The following DOCK9 variants were observed in gnomAD, a reference collection of about 807,000 sequenced individuals.
DOCK9 encodes the protein dedicator of cytokinesis protein 9.
DOCK9 carries 89 observed loss-of-function variants against 263.3 expected under a neutral mutation model. The ratio of observed to expected loss-of-function variants is 0.34; its 90% CI spans 0.28 to 0.40. DOCK9 has a LOEUF of 0.40. Among genes scored for constraint, DOCK9 ranks in the 10% least tolerant of loss-of-function variants. The pLI is 1.00. For missense variants in DOCK9, 2,140 were observed against 2,603.4 expected (o/e 0.82, Z 3.87); for synonymous variants, 976 against 973.1 (o/e 1.00, Z -0.06).
intron 1 of DOCK9, among the ~76,000 whole-genome samples, chr13:99,074,809 TCTCTACTTACGTTAAATTTTGCCTC>T (rs1209808277): frequency 6.6e-6 from 1 of 152,160 alleles, no homozygotes; most frequent in Non-Finnish European, 1.5e-5. Context: ...CCAAATAAAC[TCTCTACTTACGTTAAATTTTGCCTC>T]CTCTTCTTCT....
intron 1 of DOCK9, among the ~76,000 whole-genome samples, chr13:98,997,185 G>C (rs776446556): frequency 6.6e-6 from 1 of 152,244 alleles, no homozygotes; most frequent in Admixed American, 6.5e-5. Context: ...CAGGGCACCT[G>C]TGTCTGCTGC....
At chr13:98,991,890 T>C (rs1484349244) in intron 1 of DOCK9, among the ~76,000 whole-genome samples, 1 of 151,930 alleles carries the variant, frequency 6.6e-6, no homozygotes, top group Non-Finnish European at 1.5e-5. Context: ...TCAAGGAACA[T>C]GCTGCTTGAT....
chr13:98,888,488 T>G lies in DOCK9; in HGVS notation c.1849A>C (p.Ile617Leu), dbSNP rs779408044. ...KQFETCSKTPITFEVEEFVPC... is the reference protein window; with the variant it reads ...KQFETCSKTPLTFEVEEFVPC... The stretch of plus-strand genomic sequence containing the variant: ...ACAAATTCCTCCACTTCAAACGTGA[T>G]GGGAGTTTTACTGCAGGTTTCAAAT... The change falls in exon 17 of 53, where the codon ATC (isoleucine) becomes CTC (leucine). Residue 617 changes from isoleucine (I) to leucine (L), a missense_variant. This residue lies in a region of DOCK9 where 1,521 missense variants were observed against 1,741.7 expected (regional missense o/e 0.87). Coordinates refer to ENST00000682017, the MANE Select transcript of DOCK9 (RefSeq NM_001366683.2). 1.1e-5 allele frequency: 18 copies of G among 1,614,036 alleles called. No individual in the cohort carries two copies. Among genetic ancestry groups the G allele is most frequent in the Non-Finnish European group, 1.5e-5 (18 of 1,179,890 alleles).
chr13:99,047,553 C>T (rs1445454131), intron 1 of DOCK9, among the ~76,000 whole-genome samples: 1 of 149,830 alleles, frequency 6.7e-6, no homozygotes, highest in Non-Finnish European at 1.5e-5. Context: ...GAGTCTCGCC[C>T]AGTCGCCTAG....
chr13:98,828,442 T>A (rs1434399768), intron 43 of DOCK9, among the ~76,000 whole-genome samples: 2 of 152,250 alleles, frequency 1.3e-5, no homozygotes, highest in Non-Finnish European at 2.9e-5. Context: ...GGCCAATGTG[T>A]GGTTTACATT....
upstream of DOCK9, among the ~76,000 whole-genome samples, chr13:99,087,054 T>C (rs2042364241): frequency 6.6e-6 from 1 of 151,794 alleles, no homozygotes; most frequent in African/African-American, 2.4e-5. Context: ...ACGCCCCCCC[T>C]CTGCGCCCGG....
At chr13:98,923,612 C>G (rs2052437940) in intron 4 of DOCK9, among the ~76,000 whole-genome samples, 3 of 152,108 alleles carry the variant, frequency 2.0e-5, no homozygotes, top group Admixed American at 2.0e-4. Flanking sequence ...GGGGAGTTAG[C>G]AGGCATACTA....
At chr13:98,896,509 G>A (rs2047461263) in intron 15 of DOCK9, among the ~76,000 whole-genome samples, 2 of 151,308 alleles carry the variant, frequency 1.3e-5, no homozygotes, top group South Asian at 2.1e-4. Flanking sequence ...AAAAAACAAG[G>A]ATACCTTTGG....
At chr13:98,835,733 CTTTTTTTTTTT>C (rs142745340) in intron 39 of DOCK9, among the ~76,000 whole-genome samples, 5 of 79,370 alleles carry the variant, frequency 6.3e-5, no homozygotes, top group African/African-American at 3.0e-4. Context: ...CTTTACAACT[CTTTTTTTTTTT>C]TTTTTTTTTT....
intron 52 of DOCK9, among the ~76,000 whole-genome samples, chr13:98,796,888 A>G (rs1419844814): frequency 6.6e-6 from 1 of 152,162 alleles, no homozygotes; most frequent in Non-Finnish European, 1.5e-5. Context: ...TAGAGCCACG[A>G]GGAGGCGGGC....
chr13:98,936,709 C>T (rs1192832269), intron 2 of DOCK9, among the ~76,000 whole-genome samples: 1 of 151,942 alleles, frequency 6.6e-6, no homozygotes, highest in East Asian at 1.9e-4. Context: ...CCATCCATTA[C>T]TTGCATATAA....
chr13:98,879,257 T>C (rs1434756444), intron 27 of DOCK9, among the ~76,000 whole-genome samples: 1 of 152,140 alleles, frequency 6.6e-6, no homozygotes, highest in Non-Finnish European at 1.5e-5. Flanking sequence ...CTGAGTGCAG[T>C]GGGAACCAGG....
intron 37 of DOCK9, chr13:98,846,532 G>A (rs748649221): frequency 3.0e-6 from 4 of 1,351,772 alleles, no homozygotes; most frequent in Admixed American, 1.9e-5. Context: ...AAGCAGGAAG[G>A]AGAAGAGCCA....
At chr13:99,079,394 C>T (rs144108936) in intron 1 of DOCK9, among the ~76,000 whole-genome samples, 47 of 152,252 alleles carry the variant, frequency 3.1e-4, no homozygotes, top group East Asian at 5.8e-4. Context: ...CTCGAGGTAA[C>T]GTAACCTGTG....
At chr13:98,885,172 C>G in intron 20 of DOCK9, 80 bp from the exon 21 acceptor site, 1 of 1,551,786 alleles carries the variant, frequency 6.4e-7, no homozygotes, top group South Asian at 1.2e-5. Context: ...AATGTAAAAC[C>G]GTCTGATTTT....
intron 2 of DOCK9, among the ~76,000 whole-genome samples, chr13:98,947,855 G>T (rs541402326): frequency 1.3e-5 from 2 of 152,222 alleles, no homozygotes; most frequent in East Asian, 3.9e-4. Flanking sequence ...GCCTAGACAT[G>T]AACTAATATC....
chr13:98,810,683 C>A (rs2091222557), intron 45 of DOCK9, among the ~76,000 whole-genome samples: 1 of 152,110 alleles, frequency 6.6e-6, no homozygotes, highest in African/African-American at 2.4e-5. Flanking sequence ...AGACATGGAG[C>A]CTTACTAAGC....
At chr13:98,832,245 C>T (rs1261583024) in intron 39 of DOCK9, 2 of 157,986 alleles carry the variant, frequency 1.3e-5, no homozygotes, top group Admixed American at 1.2e-4. Context: ...AGGCACTCTG[C>T]TAAGCTATGA....
chr13:99,046,713 T>C (rs1294678532), intron 1 of DOCK9, among the ~76,000 whole-genome samples: 1 of 152,258 alleles, frequency 6.6e-6, no homozygotes, highest in African/African-American at 2.4e-5. Flanking sequence ...ACCTGTTTTA[T>C]TCAGAGTATA....
Sources: gnomAD v4.1 joint callset for allele counts (sites outside exome capture counted in the v4.1 genomes callset) on GRCh38, gnomAD v4.1.1 for gene constraint, gnomAD v4.1.1 regional missense constraint, MANE v1.5 for transcripts, NCBI Gene and HGNC (gene_info 2026-07-23, HGNC 2026-07-21) for gene names.